DTX4: variants seen among roughly 807,000 people sequenced by gnomAD.
DTX4 encodes E3 ubiquitin-protein ligase DTX4.
In DTX4, 28 loss-of-function variants were observed where a neutral mutation model predicts 57.6. The ratio of observed to expected loss-of-function variants is 0.49; its 90% CI spans 0.36 to 0.67. The LOEUF (loss-of-function observed/expected upper bound fraction) is 0.67, where lower values mean the gene tolerates loss of function less well. Ranked by LOEUF, DTX4 falls within the 30% of genes least tolerant of loss-of-function variation. The pLI, the probability that DTX4 is intolerant of heterozygous loss-of-function variation, is 0.00. For missense variants in DTX4, 715 were observed against 836.8 expected (o/e 0.85, Z 1.80); for synonymous variants, 316 against 331.0 (o/e 0.95, Z 0.49).
chr11:59,200,679 A>G (rs1565221910), intron 8 of DTX4, among the ~76,000 whole-genome samples: 1 of 152,248 alleles, frequency 6.6e-6, no homozygotes, highest in Non-Finnish European at 1.5e-5. Flanking sequence ...CTAGTGATTC[A>G]TGATTAGGCT....
At chr11:59,188,628 T>C in intron 2 of DTX4, 107 bp from the exon 3 acceptor site, 1 of 893,122 alleles carries the variant, frequency 1.1e-6, no homozygotes, top group Non-Finnish European at 1.8e-6. Flanking sequence ...TGTCACTTCC[T>C]GCTGTCTGCT....
chr11:59,182,753 G>A (rs999339752), intron 2 of DTX4, among the ~76,000 whole-genome samples: 10 of 152,130 alleles, frequency 6.6e-5, no homozygotes, highest in Non-Finnish European at 1.3e-4. Flanking sequence ...GTAAATGCTG[G>A]CAGTAATACG....
intron 2 of DTX4, among the ~76,000 whole-genome samples, chr11:59,187,049 G>A (rs1225483460): frequency 6.6e-6 from 1 of 152,216 alleles, no homozygotes; most frequent in Admixed American, 6.5e-5. Context: ...TAGAGCTGGG[G>A]AAGAACCTTC....
chr11:59,203,199 CTACTT>C (rs2135527406), intron 8 of DTX4, among the ~76,000 whole-genome samples: 1 of 152,262 alleles, frequency 6.6e-6, no homozygotes, highest in African/African-American at 2.4e-5. Context: ...TTTATTAAAA[CTACTT>C]TTCTTTCTTC....
chr11:59,187,230 A>G (rs1862539906), intron 2 of DTX4, among the ~76,000 whole-genome samples: 1 of 152,248 alleles, frequency 6.6e-6, no homozygotes, highest in Admixed American at 6.5e-5. Context: ...CTGGCATAGT[A>G]AATGGGCTCT....
intron 7 of DTX4, among the ~76,000 whole-genome samples, chr11:59,198,660 ACT>A (rs894798598): frequency 1.3e-5 from 2 of 152,074 alleles, no homozygotes; most frequent in African/African-American, 4.8e-5. Flanking sequence ...GTTCTTCCAC[ACT>A]CGTTCATTTA....
At position 59,187,786 on chromosome 11, in the gene DTX4, C is replaced by T. The variant is rs532963824; in HGVS notation, c.936-949C>T. ...CGCTGTGGGAGGGCCGCGCCTTTCC[C>T]AGGCAGCTGTGCCATCTCCTCTCCA... On this transcript the variant is annotated intron_variant, in intron 2 of 8. Transcript: ENST00000227451. 8.5e-4 allele frequency among the ~76,000 whole-genome samples: 130 copies of T among 152,342 alleles called. 1 individual carries two copies. Among genetic ancestry groups the T allele is most frequent in the African/African-American group, 2.9e-3 (120 of 41,576 alleles).
chr11:59,192,775 A>G (rs1391659310), intron 6 of DTX4, among the ~76,000 whole-genome samples: 1 of 152,200 alleles, frequency 6.6e-6, no homozygotes, highest in Non-Finnish European at 1.5e-5. Flanking sequence ...TTGCCAAAGT[A>G]CACCTGGTAA....
intron 1 of DTX4, among the ~76,000 whole-genome samples, chr11:59,175,192 A>G: frequency 6.6e-6 from 1 of 152,220 alleles, no homozygotes; most frequent in Non-Finnish European, 1.5e-5. Context: ...GTTTAATTAA[A>G]TTACCCACCA....
intron 7 of DTX4, 39 bp downstream of exon 7, chr11:59,195,408 T>A (rs776540308): frequency 6.4e-7 from 1 of 1,561,564 alleles, no homozygotes; most frequent in East Asian, 2.3e-5. Flanking sequence ...TGTCACCCCT[T>A]GGTTTTTATT....
rs148767749 is a variant in DTX4 at position 59,178,294 on chromosome 11, C to G, written c.212-3445C>G. Among the ~76,000 whole-genome samples, 1,156 of 152,192 alleles carry G rather than the reference C, an allele frequency of 7.6e-3. 13 individuals carry two copies. The highest frequency in any genetic ancestry group is 0.026 in the African/African-American group (1,090 of 41,518). ...GGGTAGGGGGGATTTAGATTTCAAC[C>G]TAATGGGAAGTCATGGAAGGGATTT... On this transcript the variant is annotated intron_variant, in intron 1 of 8. Coordinates refer to ENST00000227451, the MANE Select transcript of DTX4 (RefSeq NM_015177.2).
intron 2 of DTX4, among the ~76,000 whole-genome samples, chr11:59,186,329 C>T (rs570671370): frequency 1.3e-5 from 2 of 152,184 alleles, no homozygotes; most frequent in Admixed American, 1.3e-4. Context: ...GGTGTGGAAA[C>T]CTGCCAGTCC....
In DTX4 at chr11:59,187,721, G is replaced by A. The variant is rs369475914; in HGVS notation, c.936-1014G>A. 1.1e-3 allele frequency among the ~76,000 whole-genome samples: 174 copies of A among 152,280 alleles called. 1 individual carries two copies. In the South Asian group the frequency reaches 0.029, roughly 25 times the overall value. On this transcript the variant is annotated intron_variant, in intron 2 of 8. Transcript: ENST00000227451. Reference sequence around the variant, plus strand: ...GAGTGTGGGTGACAGAGAGGATGGCGCAAGACCCAGACCCATGTGTCCCAT... The same window carrying A: ...GAGTGTGGGTGACAGAGAGGATGGCACAAGACCCAGACCCATGTGTCCCAT...
chr11:59,173,542 A>C (rs1214300933), intron 1 of DTX4, among the ~76,000 whole-genome samples: 1 of 152,204 alleles, frequency 6.6e-6, no homozygotes, highest in African/African-American at 2.4e-5. Flanking sequence ...AATGCATGGC[A>C]GGGAAGCCGC....
chr11:59,177,304 T>A (rs1315882400), intron 1 of DTX4, among the ~76,000 whole-genome samples: 1 of 152,162 alleles, frequency 6.6e-6, no homozygotes, highest in Non-Finnish European at 1.5e-5. Flanking sequence ...CTGATTCAAT[T>A]CATACCCCAG....
chr11:59,197,787 G>A (rs1862693124), intron 7 of DTX4, among the ~76,000 whole-genome samples: 1 of 152,172 alleles, frequency 6.6e-6, no homozygotes, highest in Non-Finnish European at 1.5e-5. Context: ...AGGTGATACA[G>A]ACATGAATGA....
chr11:59,182,586 T>G, intron 2 of DTX4, 124 bp downstream of exon 2: 1 of 1,343,216 alleles, frequency 7.4e-7, no homozygotes, highest in South Asian at 1.6e-5. Flanking sequence ...GACCCCTGGC[T>G]GCAGGTGAAG....
intron 7 of DTX4, among the ~76,000 whole-genome samples, chr11:59,197,003 C>T (rs1024179624): frequency 6.6e-6 from 1 of 152,214 alleles, no homozygotes; most frequent in Non-Finnish European, 1.5e-5. Context: ...TCCCTGGGGC[C>T]AAAATGGTTG....
Position 59,182,599 on chromosome 11 carries a change from G to A in DTX4, c.935+137G>A, listed in dbSNP as rs556252819. 11 of 1,225,876 alleles carry A rather than the reference G, an allele frequency of 9.0e-6. No individual in the cohort carries two copies. In the East Asian group the frequency reaches 2.6e-4, roughly 29 times the overall value. 75.9% of individuals were successfully genotyped at this position (1,225,876 alleles called of 1,614,324 possible). A position where few individuals can be genotyped will look rare whatever the true frequency, so the allele number is the denominator to read the frequency against. ...CTGACCCCTGGCTGCAGGTGAAGGT[G>A]GTGCACCTGGCTGCAGGTGTGGTGG... On this transcript the variant is annotated intron_variant, in intron 2 of 8. Transcript: ENST00000227451.
Sources: gnomAD v4.1 joint callset for allele counts (sites outside exome capture counted in the v4.1 genomes callset) on GRCh38, gnomAD v4.1.1 for gene constraint, MANE v1.5 for transcripts, NCBI Gene and HGNC (gene_info 2026-07-23, HGNC 2026-07-21) for gene names.